NRXN3: variants seen among roughly 807,000 people sequenced by gnomAD.
The protein encoded by NRXN3 is neurexin III.
In NRXN3, 32 loss-of-function variants were observed where a neutral mutation model predicts 137.6. That is an observed-to-expected ratio of 0.23 (90% CI 0.18 to 0.31). The LOEUF is 0.31. Among genes scored for constraint, NRXN3 ranks in the 10% least tolerant of loss-of-function variants. The probability of loss-of-function intolerance (pLI) is 1.00; values close to 1 mark genes in which losing one functional copy is unlikely to be tolerated. For missense variants in NRXN3, 1,574 were observed against 2,062.5 expected (o/e 0.76, Z 4.59); for synonymous variants, 798 against 784.5 (o/e 1.02, Z -0.29).
chr14:79,761,998 T>G (rs934741599), intron 19 of NRXN3, among the ~76,000 whole-genome samples: 3 of 151,668 alleles, frequency 2.0e-5, no homozygotes, highest in Admixed American at 2.0e-4. Context: ...TGGGTGACTA[T>G]AAATTCACAA....
chr14:79,652,819 A>T (rs1279531656), intron 16 of NRXN3, among the ~76,000 whole-genome samples: 1 of 151,914 alleles, frequency 6.6e-6, no homozygotes, highest in Non-Finnish European at 1.5e-5. Flanking sequence ...CATGGAGGTC[A>T]TAGGGCCGGC....
intron 15 of NRXN3, among the ~76,000 whole-genome samples, chr14:79,295,773 T>A (rs1218252936): frequency 7.2e-5 from 11 of 152,184 alleles, no homozygotes; most frequent in Admixed American, 7.2e-4. Context: ...TCTCTCCTAT[T>A]TGGTAGACTG....
intron 15 of NRXN3, among the ~76,000 whole-genome samples, chr14:79,191,964 G>A (rs762440642): frequency 9.2e-5 from 14 of 151,974 alleles, no homozygotes; most frequent in Admixed American, 1.3e-4. Context: ...AAACGACAGT[G>A]CTTACTAGAT....
At chr14:78,234,413 A>C (rs2065890257) in intron 1 of NRXN3, among the ~76,000 whole-genome samples, 1 of 152,240 alleles carries the variant, frequency 6.6e-6, no homozygotes, top group Non-Finnish European at 1.5e-5. Flanking sequence ...ATGATAATTC[A>C]TTGTTATCAT....
At chr14:78,529,963 G>A (rs1033703297) in intron 4 of NRXN3, among the ~76,000 whole-genome samples, 3 of 152,172 alleles carry the variant, frequency 2.0e-5, no homozygotes, top group Non-Finnish European at 2.9e-5. Context: ...TGTACAAATA[G>A]GAAGTCAATA....
chr14:79,424,314 G>A (rs772093727), intron 15 of NRXN3, among the ~76,000 whole-genome samples: 1 of 152,010 alleles, frequency 6.6e-6, no homozygotes, highest in Non-Finnish European at 1.5e-5. Flanking sequence ...AGAGCTAAAA[G>A]GCTCTATGTA....
chr14:78,300,578 G>C (rs1258988635), intron 4 of NRXN3: 5 of 786,482 alleles, frequency 6.4e-6, no homozygotes, highest in Non-Finnish European at 8.4e-6. Flanking sequence ...TGTTTGCAGT[G>C]TGCTGATGTT....
chr14:79,507,101 T>C (rs1373615702), intron 16 of NRXN3, among the ~76,000 whole-genome samples: 2 of 152,340 alleles, frequency 1.3e-5, no homozygotes, highest in East Asian at 1.9e-4. Flanking sequence ...ATTCTGAAGA[T>C]ATTTTCTGGC....
intron 15 of NRXN3, among the ~76,000 whole-genome samples, chr14:79,461,327 A>T: frequency 6.6e-6 from 1 of 152,210 alleles, no homozygotes; most frequent in East Asian, 1.9e-4. Flanking sequence ...TTAAAATAGT[A>T]ACCAAAATAT....
chr14:79,522,185 A>G (rs959942365), intron 16 of NRXN3, among the ~76,000 whole-genome samples: 2 of 152,190 alleles, frequency 1.3e-5, no homozygotes, highest in Admixed American at 1.3e-4. Context: ...GCACAGGGGA[A>G]AAGGTAGACA....
chr14:79,175,224 C>T (rs943296881), intron 15 of NRXN3, among the ~76,000 whole-genome samples: 3 of 152,156 alleles, frequency 2.0e-5, no homozygotes, highest in Non-Finnish European at 2.9e-5. Flanking sequence ...TCGTGATCCG[C>T]CTGCCTCGGC....
At chr14:79,818,093 A>G (rs1389361065) in intron 20 of NRXN3, among the ~76,000 whole-genome samples, 11 of 117,630 alleles carry the variant, frequency 9.4e-5, no homozygotes, top group South Asian at 5.5e-4. Flanking sequence ...TCTCGCTGTC[A>G]CCCAGGCTGG....
At chr14:78,507,656 G>T (rs1488911307) in intron 4 of NRXN3, among the ~76,000 whole-genome samples, 3 of 152,188 alleles carry the variant, frequency 2.0e-5, no homozygotes, top group Admixed American at 1.3e-4. Flanking sequence ...GATATTTCAT[G>T]TGTGAAATTA....
intron 15 of NRXN3, among the ~76,000 whole-genome samples, chr14:78,996,268 C>G (rs1481733587): frequency 2.0e-5 from 3 of 152,092 alleles, no homozygotes; most frequent in Non-Finnish European, 4.4e-5. Context: ...CCACGGCAAC[C>G]CTAAAAGTAG....
intron 6 of NRXN3, among the ~76,000 whole-genome samples, chr14:78,692,529 G>T (rs2098181543): frequency 6.6e-6 from 1 of 152,146 alleles, no homozygotes; most frequent in Admixed American, 6.5e-5. Context: ...ACAGCAAGTG[G>T]TTGAATAAAG....
At chr14:79,777,475 CT>C (rs1439805641) in intron 19 of NRXN3, among the ~76,000 whole-genome samples, 5 of 110,832 alleles carry the variant, frequency 4.5e-5, no homozygotes, top group African/African-American at 1.5e-4. Flanking sequence ...TGGAATTTTT[CT>C]AAAAAAAAAA....
chr14:79,026,184 A>C (rs910146823), intron 15 of NRXN3, among the ~76,000 whole-genome samples: 2 of 152,166 alleles, frequency 1.3e-5, no homozygotes, highest in African/African-American at 2.4e-5. Context: ...AAGCTTAATG[A>C]ATAGATTTTT....
chr14:79,041,309 T>C (rs528617274), intron 15 of NRXN3, among the ~76,000 whole-genome samples: 2 of 152,316 alleles, frequency 1.3e-5, no homozygotes, highest in East Asian at 3.9e-4. Context: ...TTTTAGCAGG[T>C]ACTTTCATTC....
intron 4 of NRXN3, among the ~76,000 whole-genome samples, chr14:78,443,105 T>C (rs2094310207): frequency 6.6e-6 from 1 of 152,244 alleles, no homozygotes. Flanking sequence ...TCTTTGATTA[T>C]GAGACCCAGT....
Sources: allele counts gnomAD v4.1 joint callset (sites outside exome capture counted in the v4.1 genomes callset), GRCh38; gene constraint gnomAD v4.1.1; transcripts MANE v1.5; gene names NCBI Gene and HGNC (gene_info 2026-07-23, HGNC 2026-07-21).